The following YES1 variants were observed in gnomAD, a reference collection of about 807,000 sequenced individuals.
The protein encoded by YES1 is YES proto-oncogene 1, Src family tyrosine kinase, also known as tyrosine-protein kinase Yes.
YES1 carries 39 observed loss-of-function variants against 70.4 expected under a neutral mutation model. That is an observed-to-expected ratio of 0.55 (90% CI 0.43 to 0.72). YES1 has a LOEUF of 0.72. Among genes scored for constraint, YES1 ranks in the 30% least tolerant of loss-of-function variants. The probability of loss-of-function intolerance (pLI) is 0.00; values close to 1 mark genes in which losing one functional copy is unlikely to be tolerated. For synonymous variants in YES1, 198 were observed against 218.6 expected, an observed-to-expected ratio of 0.91 and a Z score of 0.83; for missense variants, 495 against 644.8, an observed-to-expected ratio of 0.77 and a Z score of 2.52.
intron 10 of YES1, among the ~76,000 whole-genome samples, chr18:735,325 A>G (rs1342715569): frequency 1.3e-5 from 2 of 152,210 alleles, no homozygotes; most frequent in Non-Finnish European, 2.9e-5. Context: ...AGCCGTAAAA[A>G]GGAATGAAAT....
At chr18:805,363 AT>A (rs1907048151) in intron 1 of YES1, among the ~76,000 whole-genome samples, 1 of 152,224 alleles carries the variant, frequency 6.6e-6, no homozygotes, top group Admixed American at 6.5e-5. Flanking sequence ...GTATAAAAAA[AT>A]AAAAAATGGT....
intron 1 of YES1, among the ~76,000 whole-genome samples, chr18:796,568 G>GACC (rs1384669381): frequency 1.3e-5 from 2 of 152,122 alleles, no homozygotes; most frequent in African/African-American, 4.8e-5. Flanking sequence ...AGGAGCTCAA[G>GACC]ACCAGCCTGC....
chr18:752,019 C>T lies in YES1; in HGVS notation c.272-215G>A, dbSNP rs1443942913. Among the ~76,000 whole-genome samples the T allele has an allele frequency of 5.9e-5, 9 of 152,266 alleles. No individual in the cohort carries two copies. The East Asian group carries it at 1.7e-3, about 29-fold the overall frequency. ...GGGACAATAACTCAATAACTGGTAG[C>T]AATAACTAGTCTTAAACTCTCCGAA... On this transcript the variant is annotated intron_variant, in intron 2 of 11. Coordinates refer to ENST00000314574, the MANE Select transcript of YES1 (RefSeq NM_005433.4).
chr18:778,723 C>T (rs898363874), intron 1 of YES1, among the ~76,000 whole-genome samples: 1 of 152,030 alleles, frequency 6.6e-6, no homozygotes, highest in African/African-American at 2.4e-5. Flanking sequence ...TTCTACAGGC[C>T]GTAGTCTATG....
intron 6 of YES1, among the ~76,000 whole-genome samples, chr18:744,326 C>T (rs1225170781): frequency 6.6e-6 from 1 of 151,306 alleles, no homozygotes; most frequent in Non-Finnish European, 1.5e-5. Flanking sequence ...CTAATAGCCA[C>T]TAATTTGTAA....
chr18:765,663 G>A (rs1286019976), intron 1 of YES1, among the ~76,000 whole-genome samples: 2 of 152,128 alleles, frequency 1.3e-5, no homozygotes, highest in South Asian at 2.1e-4. Flanking sequence ...CTCTCAAAGT[G>A]CTGGGATTAC....
intron 1 of YES1, among the ~76,000 whole-genome samples, chr18:777,061 C>T (rs1261051610): frequency 6.6e-6 from 1 of 151,990 alleles, no homozygotes; most frequent in Non-Finnish European, 1.5e-5. Context: ...TTCTTTTGCT[C>T]GAGAAATTAT....
chr18:786,417 ATC>A (rs2145807226), intron 1 of YES1, among the ~76,000 whole-genome samples: 2 of 151,144 alleles, frequency 1.3e-5, no homozygotes, highest in Non-Finnish European at 2.9e-5. Context: ...CTAAAATAGA[ATC>A]TTTGTCTATT....
chr18:810,882 C>A (rs1042264435), intron 1 of YES1, among the ~76,000 whole-genome samples: 4 of 152,010 alleles, frequency 2.6e-5, no homozygotes, highest in Non-Finnish European at 4.4e-5. Flanking sequence ...AGATCCTTGG[C>A]TAATACAAGA....
chr18:806,146 T>C (rs1907086179), intron 1 of YES1, among the ~76,000 whole-genome samples: 1 of 152,250 alleles, frequency 6.6e-6, no homozygotes, highest in East Asian at 1.9e-4. Context: ...CAAGTCATAA[T>C]TGTAATACTG....
chr18:734,415 C>T (rs1175364678), intron 10 of YES1, among the ~76,000 whole-genome samples: 1 of 151,320 alleles, frequency 6.6e-6, no homozygotes, highest in Non-Finnish European at 1.5e-5. Context: ...AAAAATTAGC[C>T]GAGCTTGGTG....
intron 6 of YES1, among the ~76,000 whole-genome samples, chr18:745,362 C>CT (rs1412884675): frequency 5.3e-5 from 8 of 152,156 alleles, no homozygotes. Flanking sequence ...TCTGACATAG[C>CT]TTTTTCTGTT....
intron 2 of YES1, among the ~76,000 whole-genome samples, chr18:753,265 T>C (rs1378345220): frequency 6.6e-6 from 1 of 152,212 alleles, no homozygotes; most frequent in Non-Finnish European, 1.5e-5. Context: ...GTAGAGCTAA[T>C]TAACGTATGC....
intron 1 of YES1, among the ~76,000 whole-genome samples, chr18:759,336 G>A (rs1417157391): frequency 1.3e-5 from 2 of 152,128 alleles, no homozygotes; most frequent in Non-Finnish European, 2.9e-5. Flanking sequence ...GCGAGGTGGC[G>A]GGCGCCTGTA....
chr18:759,517 G>A (rs1310418278), intron 1 of YES1, among the ~76,000 whole-genome samples: 1 of 152,026 alleles, frequency 6.6e-6, no homozygotes, highest in Admixed American at 6.5e-5. Flanking sequence ...CTTAATATAC[G>A]GTCTTTTGTA....
chr18:802,186 C>A (rs950746847), intron 1 of YES1, among the ~76,000 whole-genome samples: 3 of 152,160 alleles, frequency 2.0e-5, no homozygotes, highest in African/African-American at 7.2e-5. Context: ...GAGTTCGAGG[C>A]TGTAATGAGC....
chr18:770,700 T>C (rs1208289544), intron 1 of YES1, among the ~76,000 whole-genome samples: 1 of 152,194 alleles, frequency 6.6e-6, no homozygotes, highest in Non-Finnish European at 1.5e-5. Flanking sequence ...ACTTTGTTTG[T>C]TTCCCTTCTT....
rs191738975 is a variant in YES1 at position 765,029 on chromosome 18, C to T, written c.-8-8194G>A. ...GATTACAGGCGTGAGCCACCTCGCC[C>T]GGCTTATCTGAATCTTTTAAAGATA... On this transcript the variant is annotated intron_variant, in intron 1 of 11. Transcript: ENST00000314574. Among the ~76,000 whole-genome samples the T allele has an allele frequency of 2.1e-3, 316 of 151,624 alleles. 1 individual carries two copies. The highest frequency in any genetic ancestry group is 7.2e-3 in the African/African-American group (296 of 41,362).
At chr18:759,956 A>G (rs918776507) in intron 1 of YES1, among the ~76,000 whole-genome samples, 1 of 147,536 alleles carries the variant, frequency 6.8e-6, no homozygotes, top group African/African-American at 2.5e-5. Flanking sequence ...GAGAACATGC[A>G]GTGTTTGGTT....
Sources: allele counts gnomAD v4.1 joint callset (sites outside exome capture counted in the v4.1 genomes callset), GRCh38; gene constraint gnomAD v4.1.1; transcripts MANE v1.5; gene names NCBI Gene and HGNC (gene_info 2026-07-23, HGNC 2026-07-21).